LYPLAL1: variants seen among roughly 807,000 people sequenced by gnomAD.
The protein encoded by LYPLAL1 is lysophospholipase like 1.
In LYPLAL1, 23 loss-of-function variants were observed where a neutral mutation model predicts 19.7. That is an observed-to-expected ratio of 1.17 (90% CI 0.84 to 1.65). The LOEUF is 1.65. Ranked by LOEUF, LYPLAL1 falls within the 40% of genes most tolerant of loss-of-function variation. The pLI is 0.00. For missense variants in LYPLAL1, 355 were observed against 279.4 expected, an observed-to-expected ratio of 1.27 and a Z score of -1.93; for synonymous variants, 119 against 96.3, an observed-to-expected ratio of 1.24 and a Z score of -1.38.
chr1:219,325,076 G>T, the LYPLAL1 span, among the ~76,000 whole-genome samples: 21 of 152,126 alleles, frequency 1.4e-4, no homozygotes, highest in African/African-American at 4.3e-4. Context: ...AAAACATATG[G>T]GCCAAATTAG....
chr1:219,376,080 A>C, the LYPLAL1 span, among the ~76,000 whole-genome samples: 1 of 152,102 alleles, frequency 6.6e-6, no homozygotes, highest in Admixed American at 6.6e-5. Flanking sequence ...AACCTACATT[A>C]ATCAAAATAG....
At chr1:219,428,336 C>G in the LYPLAL1 span, among the ~76,000 whole-genome samples, 1 of 152,200 alleles carries the variant, frequency 6.6e-6, no homozygotes, top group Non-Finnish European at 1.5e-5. Flanking sequence ...GGAAACATGA[C>G]TCCCAAAGTC....
chr1:219,249,778 G>T, the LYPLAL1 span, among the ~76,000 whole-genome samples: 1 of 151,834 alleles, frequency 6.6e-6, no homozygotes, highest in South Asian at 2.1e-4. Context: ...TTAACATTTC[G>T]CTGATAACTA....
chr1:219,347,453 GAGA>G, the LYPLAL1 span, among the ~76,000 whole-genome samples: 1 of 152,296 alleles, frequency 6.6e-6, no homozygotes, highest in Non-Finnish European at 1.5e-5. Context: ...AAAAAGCTGT[GAGA>G]AGGATTCTTG....
At chr1:219,280,449 C>T in the LYPLAL1 span, among the ~76,000 whole-genome samples, 1 of 152,064 alleles carries the variant, frequency 6.6e-6, no homozygotes, top group Non-Finnish European at 1.5e-5. Context: ...CCCCCCATCA[C>T]GCTATATTTT....
chr1:219,413,151 A>G, the LYPLAL1 span, among the ~76,000 whole-genome samples: 1 of 152,138 alleles, frequency 6.6e-6, no homozygotes, highest in Non-Finnish European at 1.5e-5. Flanking sequence ...GAAAAAAAAA[A>G]TGGAAGGTTG....
At chr1:219,216,221 A>G (rs542598804), downstream of LYPLAL1, among the ~76,000 whole-genome samples, 14 of 152,056 alleles carry the variant, frequency 9.2e-5, no homozygotes, top group South Asian at 1.7e-3. Context: ...TTCTGAGTCT[A>G]TCATTTTTGA....
chr1:219,198,342 A>G (rs1657784017), intron 3 of LYPLAL1, among the ~76,000 whole-genome samples: 1 of 152,044 alleles, frequency 6.6e-6, no homozygotes, highest in Non-Finnish European at 1.5e-5. Flanking sequence ...ATATGCATAT[A>G]TGTACATATT....
At chr1:219,358,546 T>C in the LYPLAL1 span, among the ~76,000 whole-genome samples, 2 of 152,126 alleles carry the variant, frequency 1.3e-5, no homozygotes, top group African/African-American at 4.8e-5. Context: ...CTCAGGAAAC[T>C]TATAATCATG....
chr1:219,206,351 T>A (rs10779342), intron 3 of LYPLAL1, among the ~76,000 whole-genome samples: 110,236 of 151,954 alleles, frequency 0.73, 40,837 homozygotes, highest in East Asian at 0.92. Flanking sequence ...ACTATTTTCG[T>A]ATTTACTTAT....
chr1:219,399,613 G>C, the LYPLAL1 span, among the ~76,000 whole-genome samples: 1 of 152,102 alleles, frequency 6.6e-6, no homozygotes. Flanking sequence ...GGCTATGGGG[G>C]CCACCCTGAT....
chr1:219,413,336 A>G, the LYPLAL1 span, among the ~76,000 whole-genome samples: 1 of 152,228 alleles, frequency 6.6e-6, no homozygotes, highest in Non-Finnish European at 1.5e-5. Context: ...ATTAAATTCC[A>G]TCCAGATAAG....
chr1:219,229,804 G>A, the LYPLAL1 span, among the ~76,000 whole-genome samples: 1 of 152,222 alleles, frequency 6.6e-6, no homozygotes, highest in Non-Finnish European at 1.5e-5. Flanking sequence ...CTGCGAGGGG[G>A]ACAAGGGAAC....
the LYPLAL1 span, among the ~76,000 whole-genome samples, chr1:219,265,068 A>G: frequency 6.6e-6 from 1 of 152,168 alleles, no homozygotes; most frequent in Non-Finnish European, 1.5e-5. Flanking sequence ...ACTTGTGTTA[A>G]TTTCACTTTT....
chr1:219,269,832 C>T, the LYPLAL1 span, among the ~76,000 whole-genome samples: 1 of 152,094 alleles, frequency 6.6e-6, no homozygotes, highest in Non-Finnish European at 1.5e-5. Context: ...ATAGAGGCAT[C>T]ATTTTCTAAA....
the LYPLAL1 span, among the ~76,000 whole-genome samples, chr1:219,425,043 A>T: frequency 6.6e-6 from 1 of 152,224 alleles, no homozygotes; most frequent in African/African-American, 2.4e-5. Flanking sequence ...TTTATCAACA[A>T]TATAAATTTA....
chr1:219,318,378 C>T, the LYPLAL1 span, among the ~76,000 whole-genome samples: 1 of 151,906 alleles, frequency 6.6e-6, no homozygotes, highest in Admixed American at 6.6e-5. Flanking sequence ...TTACCCCCAC[C>T]CCTCCCCACA....
At chr1:219,296,962 G>C in the LYPLAL1 span, among the ~76,000 whole-genome samples, 1 of 152,206 alleles carries the variant, frequency 6.6e-6, no homozygotes, top group Admixed American at 6.5e-5. Flanking sequence ...ATGGATCAAT[G>C]TGAACAGGCA....
the LYPLAL1 span, among the ~76,000 whole-genome samples, chr1:219,239,691 A>G: frequency 6.6e-6 from 1 of 152,230 alleles, no homozygotes; most frequent in African/African-American, 2.4e-5. Context: ...ACTCCTGACA[A>G]GTAAGGATTA....
Sources: allele counts gnomAD v4.1 joint callset (sites outside exome capture counted in the v4.1 genomes callset), GRCh38; gene constraint gnomAD v4.1.1; transcripts MANE v1.5; gene names NCBI Gene and HGNC (gene_info 2026-07-23, HGNC 2026-07-21).